DFFB: variants seen among roughly 807,000 people sequenced by gnomAD.
DFFB encodes the protein DNA fragmentation factor subunit beta.
DFFB carries 29 observed loss-of-function variants against 32.7 expected under a neutral mutation model. The ratio of observed to expected loss-of-function variants is 0.89; its 90% CI spans 0.66 to 1.21. The LOEUF is 1.21. Ranked by LOEUF, DFFB falls within the 50% of genes most tolerant of loss-of-function variation. The pLI is 0.00. For missense variants in DFFB, 398 were observed against 440.6 expected, an observed-to-expected ratio of 0.90 and a Z score of 0.87; for synonymous variants, 170 against 177.1, an observed-to-expected ratio of 0.96 and a Z score of 0.32.
chr1:3,880,816 C>T (rs144402288), intron 6 of DFFB, among the ~76,000 whole-genome samples: 112 of 152,338 alleles, frequency 7.4e-4, no homozygotes, highest in African/African-American at 2.4e-3. Context: ...CGGTGTGTCA[C>T]GGTGCCCCTT....
rs578142075 is a variant in DFFB, at chr1:3,868,826, G to A, written c.510+773G>A. Among the ~76,000 whole-genome samples the A allele has an allele frequency of 5.9e-4, 90 of 152,292 alleles. 1 individual carries two copies. Among genetic ancestry groups the A allele is most frequent in the Non-Finnish European group, 1.0e-3 (69 of 68,006 alleles). ...GCTGCCCTGCGTGGTCGGCCCCCAC[G>A]CCCTCGGCCCACTCCTCTCTGTGGC... On this transcript the variant is annotated intron_variant, in intron 4 of 6. Coordinates refer to ENST00000378209, the MANE Select transcript of DFFB (RefSeq NM_004402.4).
chr1:3,858,925 G>T (rs1644822101), intron 2 of DFFB, 81 bp downstream of exon 2: 1 of 1,569,196 alleles, frequency 6.4e-7, no homozygotes, highest in South Asian at 1.1e-5. Context: ...GTGCCCATCA[G>T]GGTGGGGAAG....
chr1:3,858,935 G>C (rs1340876819), intron 2 of DFFB, 91 bp downstream of exon 2: 1 of 1,552,412 alleles, frequency 6.4e-7, no homozygotes, highest in Admixed American at 1.9e-5. Flanking sequence ...GGGTGGGGAA[G>C]AGTCCCCCTT....
At chr1:3,876,897 A>G (rs185088664) in intron 6 of DFFB, among the ~76,000 whole-genome samples, 16 of 152,364 alleles carry the variant, frequency 1.1e-4, no homozygotes, top group Admixed American at 2.0e-4. Flanking sequence ...GGCCTGGCCC[A>G]GAGCCCATGC....
In DFFB at chr1:3,885,329, CAT is replaced by C. The variant is rs939147705; in HGVS notation, c.*1589_*1590del. On this transcript the variant is annotated 3_prime_UTR_variant, in exon 7 of 7. Coordinates refer to ENST00000378209, the MANE Select transcript of DFFB (RefSeq NM_004402.4). Reference sequence around the variant, plus strand: ...TTTGAAATGGGCATTTATTTTATAACATGTTAAAATGTACTTTTTAAATTAAG... The same window carrying C: ...TTTGAAATGGGCATTTATTTTATAACGTTAAAATGTACTTTTTAAATTAAG... 23 of 152,256 alleles carry C rather than the reference CAT, an allele frequency of 1.5e-4. 1 individual carries two copies. In the South Asian group the frequency reaches 1.7e-3, roughly 11 times the overall value. The allele number at this position is 152,256 out of a possible 1,614,324, so 9.4% of individuals were successfully genotyped here.
rs769400276 is a variant in DFFB at position 3,865,673 on chromosome 1, G to A, written c.242-139G>A. 5 of 1,353,724 alleles carry A rather than the reference G, an allele frequency of 3.7e-6. No individual in the cohort carries two copies. The highest frequency in any genetic ancestry group is 2.3e-5 in the South Asian group (2 of 85,122). 83.9% of individuals were successfully genotyped at this position (1,353,724 alleles called of 1,614,324 possible). A position where few individuals can be genotyped will look rare whatever the true frequency, so the allele number is the denominator to read the frequency against. On this transcript the variant is annotated intron_variant, in intron 2 of 6. Transcript: ENST00000378209. This position sits in a 1 kb window ranked among gnomAD's most constrained non-coding sequence, Gnocchi z 4.7. Reference sequence around the variant, plus strand: ...GGTGTCAGGGCAAGGACAAAGACCCGGGACACCTCAAGTCTGAGTCCTGGT... The same window carrying A: ...GGTGTCAGGGCAAGGACAAAGACCCAGGACACCTCAAGTCTGAGTCCTGGT...
At chr1:3,872,640 C>CCCTGCCGCGGCCCTGTA in intron 6 of DFFB, 68 bp downstream of exon 6, 1 of 1,402,956 alleles carries the variant, frequency 7.1e-7, no homozygotes, top group Non-Finnish European at 1.0e-6. Context: ...GTGGCCCTGT[C>CCCTGCCGCGGCCCTGTA]CCTGCCATGG....
chr1:3,880,681 G>A (rs1645318551), intron 6 of DFFB, among the ~76,000 whole-genome samples: 1 of 151,416 alleles, frequency 6.6e-6, no homozygotes, highest in African/African-American at 2.4e-5. Flanking sequence ...GGTGCCTTCA[G>A]TGTGGCTCTG....
chr1:3,857,497 A>T lies in DFFB; in HGVS notation c.-107A>T. ...CGGCACCCGGCCTGTGCCAGCTTGC[A>T]GAGCTCACCAGGTGCAGACCCCTGC... On this transcript the variant is annotated 5_prime_UTR_variant, in exon 1 of 7. Transcript: ENST00000378209. 1.4e-6 allele frequency: 1 copy of T among 717,214 alleles called. No homozygotes were observed. The highest frequency in any genetic ancestry group is 2.1e-6 in the Non-Finnish European group (1 of 467,156). 44.4% of individuals were successfully genotyped at this position (717,214 alleles called of 1,614,324 possible).
At position 3,871,311 on chromosome 1, in the gene DFFB, C is replaced by T. The variant is rs575562968; in HGVS notation, c.682-1161C>T. On this transcript the variant is annotated intron_variant, in intron 5 of 6. Coordinates refer to ENST00000378209, the MANE Select transcript of DFFB (RefSeq NM_004402.4). ...TTTTTTTTTGTTTGTTTGTTTGAGACGAGTCTCGCTCTGTCACCAAGCTGG... is the reference window on the plus strand; with the variant it reads ...TTTTTTTTTGTTTGTTTGTTTGAGATGAGTCTCGCTCTGTCACCAAGCTGG... 2.6e-5 allele frequency among the ~76,000 whole-genome samples: 4 copies of T among 152,156 alleles called. No individual in the cohort carries two copies. The East Asian group carries it at 7.7e-4, about 29-fold the overall frequency.
In DFFB at chr1:3,869,639, C is replaced by T. The variant is rs1645070310; in HGVS notation, c.545C>T (p.Ala182Val). The change falls in exon 5 of 7, where the codon GCT becomes GTT. Residue 182 changes from alanine (A) to valine (V), a missense_variant. By Grantham distance (64) the Ala-to-Val change is moderately conservative. Transcript: ENST00000378209. ...SSYPSTVGAE[A>V]QEEFLRVLGS... The stretch of plus-strand genomic sequence containing the variant: ...TACCCCTCCACGGTGGGTGCGGAGG[C>T]TCAGGAGGAATTCCTGCGGGTCCTC... 1 of 1,613,366 alleles carries T rather than the reference C, an allele frequency of 6.2e-7. No homozygotes were observed. Among genetic ancestry groups the T allele is most frequent in the African/African-American group, 1.3e-5 (1 of 74,926 alleles).
intron 4 of DFFB, 79 bp downstream of exon 4, chr1:3,868,132 C>A: frequency 1.6e-6 from 2 of 1,277,114 alleles, no homozygotes; most frequent in Non-Finnish European, 1.1e-6. Context: ...CTGTGGTCCT[C>A]ACGATGGGTA....
chr1:3,878,345 T>TTTCACTATG (rs1645268222), intron 6 of DFFB, among the ~76,000 whole-genome samples: 1 of 152,032 alleles, frequency 6.6e-6, no homozygotes, highest in Non-Finnish European at 1.5e-5. Flanking sequence ...AGAGACAGGG[T>TTTCACTATG]TTCACTATGT....
chr1:3,863,969 TTTTA>T (rs1434028860), intron 2 of DFFB, among the ~76,000 whole-genome samples: 40 of 152,234 alleles, frequency 2.6e-4, no homozygotes, highest in African/African-American at 8.9e-4. Flanking sequence ...ACTTTATTTA[TTTTA>T]TTTATTTTTT....
At chr1:3,866,237 T>C (rs1212907838) in intron 3 of DFFB, 2 of 641,910 alleles carry the variant, frequency 3.1e-6, no homozygotes, top group Admixed American at 2.1e-5. Flanking sequence ...GGACTTTTTA[T>C]ATTTTTATAG....
chr1:3,876,605 G>C (rs1645226851), intron 6 of DFFB, among the ~76,000 whole-genome samples: 1 of 152,212 alleles, frequency 6.6e-6, no homozygotes, highest in African/African-American at 2.4e-5. Flanking sequence ...AGAATTAAAA[G>C]CTAATGAACA....
chr1:3,864,621 G>A (rs1163076360), intron 2 of DFFB, among the ~76,000 whole-genome samples: 1 of 152,144 alleles, frequency 6.6e-6, no homozygotes, highest in Non-Finnish European at 1.5e-5. Flanking sequence ...GAACTCCTGG[G>A]CTCAAGCGAT....
chr1:3,862,118 C>G (rs943323851), intron 2 of DFFB, among the ~76,000 whole-genome samples: 2 of 152,162 alleles, frequency 1.3e-5, no homozygotes, highest in Admixed American at 6.5e-5. Context: ...CCCATTTACA[C>G]TGGCATCAAA....
intron 3 of DFFB, chr1:3,866,512 A>T (rs1297047984): frequency 5.4e-6 from 1 of 183,668 alleles, no homozygotes; most frequent in Admixed American, 5.7e-5. Flanking sequence ...TGCTAGGATT[A>T]CAGGCGGGAG....
Sources: gnomAD v4.1 joint callset for allele counts (sites outside exome capture counted in the v4.1 genomes callset) on GRCh38, gnomAD v4.1.1 for gene constraint, Gnocchi (gnomAD v3.1) non-coding constraint, MANE v1.5 for transcripts, NCBI Gene and HGNC (gene_info 2026-07-23, HGNC 2026-07-21) for gene names.